RNF180: variants seen among roughly 807,000 people sequenced by gnomAD.
RNF180 encodes the protein ring finger protein 180, also known as E3 ubiquitin-protein ligase RNF180.
Under a neutral mutation model 59.2 loss-of-function variants are expected in RNF180, and 38 were observed. That is an observed-to-expected ratio of 0.64 (90% CI 0.50 to 0.84). The LOEUF is 0.84. Among genes scored for constraint, RNF180 ranks in the 40% least tolerant of loss-of-function variants. The probability of loss-of-function intolerance (pLI) is 0.00; values close to 1 mark genes in which losing one functional copy is unlikely to be tolerated. For synonymous variants in RNF180, 262 were observed against 240.3 expected (o/e 1.09, Z -0.84); for missense variants, 705 against 700.9 (o/e 1.01, Z -0.07).
intron 7 of RNF180, among the ~76,000 whole-genome samples, chr5:64,337,482 C>G (rs1677028652): frequency 6.6e-6 from 1 of 151,802 alleles, no homozygotes; most frequent in South Asian, 2.1e-4. Context: ...CTATTGTTGT[C>G]TAGAAATATA....
chr5:64,210,438 A>G (rs2112101137), intron 2 of RNF180, among the ~76,000 whole-genome samples: 1 of 152,272 alleles, frequency 6.6e-6, no homozygotes, highest in Admixed American at 6.6e-5. Context: ...TAGGATTATC[A>G]ATGATTGAAT....
intron 5 of RNF180, among the ~76,000 whole-genome samples, chr5:64,322,103 G>T (rs1451339198): frequency 6.6e-6 from 1 of 152,150 alleles, no homozygotes; most frequent in African/African-American, 2.4e-5. Flanking sequence ...CATGGGCAAA[G>T]ATTTAATTAT....
chr5:64,259,994 A>T lies in RNF180; in HGVS notation c.1227+42598A>T, dbSNP rs530308280. On this transcript the variant is annotated intron_variant, in intron 5 of 7. Coordinates refer to ENST00000389100, the MANE Select transcript of RNF180 (RefSeq NM_001113561.2). ...AGAAAAATCTTTGACTATCCTAATC[A>T]TCCTAGCACCAAAAAAGCAATTATT... 2.0e-4 allele frequency among the ~76,000 whole-genome samples: 31 copies of T among 152,220 alleles called. No homozygotes were observed. In the Middle Eastern group the frequency reaches 0.01, roughly 50 times the overall value.
chr5:64,352,974 T>G (rs1330271298), intron 7 of RNF180, among the ~76,000 whole-genome samples: 1 of 151,848 alleles, frequency 6.6e-6, no homozygotes, highest in Non-Finnish European at 1.5e-5. Context: ...CCTAAATGAC[T>G]GTTAGTTATG....
rs1742093981 is a variant in RNF180, at chr5:64,231,438, A to T, written c.1227+14042A>T. ...TCCTCATGTTATTTTGAATAAACTA[A>T]GTATATGTGCCACACACTCTTTATT... is the stretch of plus-strand genomic sequence containing the variant. On this transcript the variant is annotated intron_variant, in intron 5 of 7. Transcript: ENST00000389100. Among the ~76,000 whole-genome samples the T allele has an allele frequency of 3.9e-5, 6 of 152,314 alleles. No individual in the cohort carries two copies. The South Asian group carries it at 1.2e-3, about 32-fold the overall frequency.
intron 7 of RNF180, among the ~76,000 whole-genome samples, chr5:64,342,859 T>C (rs908596438): frequency 1.3e-5 from 2 of 152,152 alleles, no homozygotes; most frequent in Non-Finnish European, 2.9e-5. Flanking sequence ...TAAAGTCCCA[T>C]TAAAGAAATG....
chr5:64,264,971 A>G (rs143130854), intron 5 of RNF180, among the ~76,000 whole-genome samples: 1 of 152,124 alleles, frequency 6.6e-6, no homozygotes, highest in Non-Finnish European at 1.5e-5. Flanking sequence ...CATTTCTCTA[A>G]TGACTAGTGA....
At chr5:64,232,031 TTGAC>T (rs1336224780) in intron 5 of RNF180, among the ~76,000 whole-genome samples, 1 of 152,222 alleles carries the variant, frequency 6.6e-6, no homozygotes, top group African/African-American at 2.4e-5. Flanking sequence ...TCAAAAGTCT[TTGAC>T]TGCTTGATTG....
At chr5:64,207,859 A>C (rs1054503927) in intron 2 of RNF180, among the ~76,000 whole-genome samples, 6 of 152,110 alleles carry the variant, frequency 3.9e-5, no homozygotes, top group Non-Finnish European at 8.8e-5. Context: ...CATTTTTGTT[A>C]CATAGTCTTT....
intron 5 of RNF180, among the ~76,000 whole-genome samples, chr5:64,307,558 A>C (rs569190704): frequency 6.6e-6 from 1 of 151,768 alleles, no homozygotes; most frequent in Admixed American, 6.6e-5. Context: ...CTCAAAATAT[A>C]GATGTTCCTC....
intron 5 of RNF180, among the ~76,000 whole-genome samples, chr5:64,265,807 T>C (rs906685323): frequency 3.9e-5 from 6 of 152,198 alleles, no homozygotes; most frequent in Admixed American, 6.5e-5. Context: ...CTAAATTACT[T>C]TGGGCAGTAT....
At chr5:64,350,381 G>A (rs774102854) in intron 7 of RNF180, among the ~76,000 whole-genome samples, 47 of 151,944 alleles carry the variant, frequency 3.1e-4, no homozygotes, top group Middle Eastern at 3.4e-3. Context: ...CACTCTGATG[G>A]TAGTTTCCTT....
At chr5:64,321,241 T>C (rs1035902690) in intron 5 of RNF180, among the ~76,000 whole-genome samples, 3 of 152,276 alleles carry the variant, frequency 2.0e-5, no homozygotes, top group Admixed American at 2.0e-4. Flanking sequence ...ATTGTCGCTG[T>C]TGCAGATGAC....
chr5:64,210,671 A>G (rs1198677329), intron 2 of RNF180, among the ~76,000 whole-genome samples: 1 of 152,134 alleles, frequency 6.6e-6, no homozygotes, highest in Non-Finnish European at 1.5e-5. Flanking sequence ...TTATCCATAT[A>G]CAGACTTGCA....
intron 2 of RNF180, among the ~76,000 whole-genome samples, chr5:64,211,560 T>C (rs1369189759): frequency 1.3e-5 from 2 of 152,190 alleles, no homozygotes; most frequent in Non-Finnish European, 2.9e-5. Context: ...CTGCATCCGC[T>C]GTTTTTCAGT....
chr5:64,350,102 A>G (rs1580294687), intron 7 of RNF180, among the ~76,000 whole-genome samples: 1 of 152,028 alleles, frequency 6.6e-6, no homozygotes, highest in Non-Finnish European at 1.5e-5. Flanking sequence ...TTTAATGATC[A>G]CCATTCTAAC....
At chr5:64,232,635 A>G (rs1440681077) in intron 5 of RNF180, among the ~76,000 whole-genome samples, 1 of 152,236 alleles carries the variant, frequency 6.6e-6, no homozygotes, top group East Asian at 1.9e-4. Context: ...AAAATGAATA[A>G]ACCTTCTTAA....
At chr5:64,284,486 C>A (rs61159965) in intron 5 of RNF180, among the ~76,000 whole-genome samples, 1 of 152,164 alleles carries the variant, frequency 6.6e-6, no homozygotes, top group African/African-American at 2.4e-5. Flanking sequence ...CCAATGCCAA[C>A]GAGTTGTAGA....
chr5:64,218,645 T>C (rs567345953), intron 5 of RNF180, among the ~76,000 whole-genome samples: 4 of 152,330 alleles, frequency 2.6e-5, no homozygotes, highest in African/African-American at 9.6e-5. Flanking sequence ...ATTGAAGCTA[T>C]AGATAAACTT....
Sources: gnomAD v4.1 joint callset for allele counts (sites outside exome capture counted in the v4.1 genomes callset) on GRCh38, gnomAD v4.1.1 for gene constraint, MANE v1.5 for transcripts, NCBI Gene and HGNC (gene_info 2026-07-23, HGNC 2026-07-21) for gene names.